The following TPRA1 variants were observed in gnomAD, a reference collection of about 807,000 sequenced individuals.
The protein encoded by TPRA1 is transmembrane protein adipocyte associated 1.
In TPRA1, 28 loss-of-function variants were observed where a neutral mutation model predicts 40.1. The observed-to-expected ratio is 0.70, with a 90% CI of 0.52 to 0.96. The LOEUF (loss-of-function observed/expected upper bound fraction) is 0.96, where lower values mean the gene tolerates loss of function less well. Ranked by LOEUF, TPRA1 falls within the 40% of genes least tolerant of loss-of-function variation. The pLI, the probability that TPRA1 is intolerant of heterozygous loss-of-function variation, is 0.00. For missense variants in TPRA1, 441 were observed against 482.6 expected (o/e 0.91, Z 0.81); for synonymous variants, 219 against 209.7 (o/e 1.04, Z -0.38).
intron 2 of TPRA1, 29 bp downstream of exon 2, chr3:127,579,993 G>A (rs373764055): frequency 2.8e-5 from 45 of 1,612,312 alleles, no homozygotes; most frequent in African/African-American, 8.0e-5. Flanking sequence ...GACACTCAGC[G>A]AGCCTGCCCA....
intron 1 of TPRA1, among the ~76,000 whole-genome samples, chr3:127,587,527 G>A (rs1462371757): frequency 6.6e-6 from 1 of 152,126 alleles, no homozygotes; most frequent in African/African-American, 2.4e-5. Context: ...TCTGCCACGT[G>A]CTTGCTGTGT....
upstream of TPRA1, chr3:127,590,996 G>A (rs1576402326): frequency 6.6e-6 from 1 of 152,386 alleles, no homozygotes. Flanking sequence ...GAAAGCTGAG[G>A]ACGCGCCACC....
At chr3:127,578,640 G>A (rs2073725713) in intron 3 of TPRA1, among the ~76,000 whole-genome samples, 1 of 152,204 alleles carries the variant, frequency 6.6e-6, no homozygotes, top group African/African-American at 2.4e-5. Context: ...GAAGCAGTGG[G>A]AGAGAAGCAA....
upstream of TPRA1, chr3:127,595,447 C>T (rs1225411185): frequency 6.6e-6 from 1 of 152,422 alleles, no homozygotes; most frequent in African/African-American, 2.4e-5. Context: ...TTCCCTGCAT[C>T]CTACCTGTCA....
rs770702483 is a variant in TPRA1 at position 127,573,597 on chromosome 3, T to A, written c.1046A>T (p.Asp349Val). 6.2e-7 allele frequency: 1 copy of A among 1,613,156 alleles called. No individual in the cohort carries two copies. Among genetic ancestry groups the A allele is most frequent in the African/African-American group, 1.3e-5 (1 of 75,054 alleles). Residue 349 changes from aspartate (D) to valine (V), a missense_variant, in exon 11 of 11, where the codon GAC (aspartate) becomes GTC (valine). Asp to Val is a radical substitution (Grantham distance 152, BLOSUM62 -3). Transcript: ENST00000355552. ...DSAGGVAYLD[D>V]IASMPCHTGS... ...AGTGTGGCAGGGCATGGAAGCGATG[T>A]CATCCAGGTAGGCCACCCCGCCGGC...
At chr3:127,581,957 T>C (rs1313536786) in intron 1 of TPRA1, among the ~76,000 whole-genome samples, 1 of 150,780 alleles carries the variant, frequency 6.6e-6, no homozygotes, top group Non-Finnish European at 1.5e-5. Flanking sequence ...AAAAGATTTG[T>C]CCCGACAACA....
intron 10 of TPRA1, chr3:127,574,939 TGTGTGCATGC>T (rs1274715447): frequency 2.0e-5 from 11 of 561,552 alleles, no homozygotes; most frequent in Admixed American, 3.3e-5. Flanking sequence ...TGCATGTGCA[TGTGTGCATGC>T]TTGTGCATCC....
chr3:127,579,059 G>C (rs1013263466), intron 3 of TPRA1, among the ~76,000 whole-genome samples: 2 of 152,170 alleles, frequency 1.3e-5, no homozygotes, highest in Non-Finnish European at 2.9e-5. Context: ...TACTGGGACA[G>C]CCCACACCTG....
chr3:127,577,798 A>C (rs2107632418), intron 3 of TPRA1, among the ~76,000 whole-genome samples: 1 of 152,296 alleles, frequency 6.6e-6, no homozygotes. Context: ...TGGGCCTGGG[A>C]CGCAGCACTG....
upstream of TPRA1, among the ~76,000 whole-genome samples, chr3:127,593,100 G>A (rs2074205764): frequency 6.6e-6 from 1 of 152,144 alleles, no homozygotes; most frequent in Admixed American, 6.5e-5. Context: ...AAGTTTCTGT[G>A]GGATTTTGTT....
Position 127,590,456 on chromosome 3 carries a change from G to T in TPRA1, c.-64C>A, listed in dbSNP as rs1184365414. 6.8e-6 allele frequency: 1 copy of T among 146,794 alleles called. No homozygotes were observed. The highest frequency in any genetic ancestry group is 2.4e-5 in the African/African-American group (1 of 40,976). 9.1% of individuals were successfully genotyped at this position (146,794 alleles called of 1,614,324 possible). A position where few individuals can be genotyped will look rare whatever the true frequency, so the allele number is the denominator to read the frequency against. On this transcript the variant is annotated 5_prime_UTR_variant, in exon 1 of 11. Coordinates refer to ENST00000355552, the MANE Select transcript of TPRA1 (RefSeq NM_001136053.4). Reference sequence around the variant, plus strand: ...AGGACCGGCCGCCCCGGCCGCCCCGGCCGCCCATCCGCCGCCACTGGGTGT... The same window carrying T: ...AGGACCGGCCGCCCCGGCCGCCCCGTCCGCCCATCCGCCGCCACTGGGTGT...
chr3:127,581,444 T>G (rs1294647812), intron 1 of TPRA1, among the ~76,000 whole-genome samples: 1 of 152,046 alleles, frequency 6.6e-6, no homozygotes, highest in Non-Finnish European at 1.5e-5. Context: ...CGTGGAGAAA[T>G]GCAGACAGGG....
intron 1 of TPRA1, among the ~76,000 whole-genome samples, chr3:127,584,018 G>A (rs2073918089): frequency 6.6e-6 from 1 of 151,854 alleles, no homozygotes; most frequent in Non-Finnish European, 1.5e-5. Context: ...CCTACTGGGT[G>A]CCAGGCACAA....
chr3:127,584,575 C>T (rs2073944597), intron 1 of TPRA1, among the ~76,000 whole-genome samples: 1 of 148,940 alleles, frequency 6.7e-6, no homozygotes, highest in Admixed American at 6.7e-5. Flanking sequence ...GTTCCCCCAA[C>T]ATCTACCCTT....
Position 127,572,969 on chromosome 3 carries a change from T to C in TPRA1, c.*552A>G, listed in dbSNP as rs969030182. 2.0e-5 allele frequency: 3 copies of C among 152,256 alleles called. No homozygotes were observed. The highest frequency in any genetic ancestry group is 7.2e-5 in the African/African-American group (3 of 41,448). 9.4% of individuals were successfully genotyped at this position (152,256 alleles called of 1,614,324 possible). ...TTGGGCACTGGGGACTGCTCCTTGG[T>C]TGAGCAGAGGCCCCCTGAGCCTCCC... is the stretch of plus-strand genomic sequence containing the variant. On this transcript the variant is annotated 3_prime_UTR_variant, in exon 11 of 11. Coordinates refer to ENST00000355552, the MANE Select transcript of TPRA1 (RefSeq NM_001136053.4).
chr3:127,576,510 T>G lies in TPRA1; in HGVS notation c.498+107A>C. On this transcript the variant is annotated intron_variant, in intron 6 of 10. Coordinates refer to ENST00000355552, the MANE Select transcript of TPRA1 (RefSeq NM_001136053.4). The surrounding 1 kb of genome is among the most constrained non-coding windows in gnomAD (Gnocchi z 4.6). ...ATGTGATTTCTCAGGTGCAAAGTTT[T>G]GAGAACTCTGAAGGTGATAAAGACT... 5.3e-5 allele frequency: 58 copies of G among 1,104,300 alleles called. No homozygotes were observed. The highest frequency in any genetic ancestry group is 6.9e-5 in the Non-Finnish European group (54 of 787,140). The allele number at this position is 1,104,300 out of a possible 1,614,324, so 68.4% of individuals were successfully genotyped here. A position where few individuals can be genotyped will look rare whatever the true frequency, so the allele number is the denominator to read the frequency against.
At position 127,590,568 on chromosome 3, in the gene TPRA1, C is replaced by G. The variant is rs900307831; in HGVS notation, c.-176G>C. 1 of 152,220 alleles carries G rather than the reference C, an allele frequency of 6.6e-6. No individual in the cohort carries two copies. The highest frequency in any genetic ancestry group is 1.9e-4 in the East Asian group (1 of 5,180). The allele number at this position is 152,220 out of a possible 1,614,324, so 9.4% of individuals were successfully genotyped here. On this transcript the variant is annotated 5_prime_UTR_variant, in exon 1 of 11. Transcript: ENST00000355552. Reference sequence around the variant, plus strand: ...CGGGAAGCGTCGCGCAAGGACCGGGCGCGACCGGCTCCGTGGAATGAGGGC... The same window carrying G: ...CGGGAAGCGTCGCGCAAGGACCGGGGGCGACCGGCTCCGTGGAATGAGGGC...
Position 127,576,580 on chromosome 3 carries a change from G to T in TPRA1, c.498+37C>A, listed in dbSNP as rs2073635698. On this transcript the variant is annotated intron_variant, in intron 6 of 10. Transcript: ENST00000355552. This position sits in a 1 kb window ranked among gnomAD's most constrained non-coding sequence, Gnocchi z 4.6. Reference sequence around the variant, plus strand: ...AGAAGCAGTGGGTGCCTGGTGCCCTGACTCCTAGCGTCCCCTGCCCACACT... The same window carrying T: ...AGAAGCAGTGGGTGCCTGGTGCCCTTACTCCTAGCGTCCCCTGCCCACACT... 1 of 1,542,342 alleles carries T rather than the reference G, an allele frequency of 6.5e-7. No individual in the cohort carries two copies. Among genetic ancestry groups the T allele is most frequent in the Admixed American group, 1.9e-5 (1 of 52,720 alleles).
chr3:127,592,821 G>A (rs112218027), upstream of TPRA1, among the ~76,000 whole-genome samples: 5,624 of 152,258 alleles, frequency 0.037, 151 homozygotes, highest in Non-Finnish European at 0.053. Context: ...TAACTGCTAC[G>A]TTGTACCCGG....
Sources: gnomAD v4.1 joint callset for allele counts (sites outside exome capture counted in the v4.1 genomes callset) on GRCh38, gnomAD v4.1.1 for gene constraint, Gnocchi (gnomAD v3.1) non-coding constraint, MANE v1.5 for transcripts, NCBI Gene and HGNC (gene_info 2026-07-23, HGNC 2026-07-21) for gene names.